MYO18A: variants seen among roughly 807,000 people sequenced by gnomAD.
MYO18A encodes the protein unconventional myosin-XVIIIa.
Under a neutral mutation model 235.8 loss-of-function variants are expected in MYO18A, and 78 were observed. The ratio of observed to expected loss-of-function variants is 0.33; its 90% CI spans 0.28 to 0.40. The LOEUF (loss-of-function observed/expected upper bound fraction) is 0.40. Ranked by LOEUF, MYO18A falls within the 10% of genes least tolerant of loss-of-function variation. The pLI is 1.00. For synonymous variants in MYO18A, 977 were observed against 1,077.8 expected (o/e 0.91, Z 1.83); for missense variants, 2,215 against 2,699.3 (o/e 0.82, Z 3.98).
chr17:29,175,032 T>C (rs1313537982), intron 1 of MYO18A, among the ~76,000 whole-genome samples: 2 of 152,216 alleles, frequency 1.3e-5, no homozygotes, highest in African/African-American at 4.8e-5. Context: ...TATTTGCATA[T>C]GTGTAGGAAA....
chr17:29,084,662 G>A (rs544946299), intron 40 of MYO18A, among the ~76,000 whole-genome samples: 22 of 152,152 alleles, frequency 1.4e-4, no homozygotes, highest in Admixed American at 9.8e-4. Context: ...AGGCTCCAGC[G>A]GCCCTCTATC....
chr17:29,073,911 G>C lies in MYO18A; in HGVS notation c.*859C>G. On this transcript the variant is annotated 3_prime_UTR_variant, in exon 42 of 42. Transcript: ENST00000527372. ...TGGTCCAGACCACCTGGACAGAGCA[G>C]GAGGGAGGCAGTGCTTGGATCAGCC... is the stretch of plus-strand genomic sequence containing the variant. The C allele has an allele frequency of 6.2e-7, 1 of 1,613,858 alleles. No homozygotes were observed. Among genetic ancestry groups the C allele is most frequent in the South Asian group, 1.1e-5 (1 of 91,084 alleles).
chr17:29,152,730 C>CT (rs924695457), intron 2 of MYO18A, among the ~76,000 whole-genome samples: 8 of 149,618 alleles, frequency 5.3e-5, no homozygotes, highest in Non-Finnish European at 7.5e-5. Context: ...TTCACTTCTT[C>CT]TTTTTTTTTT....
intron 40 of MYO18A, among the ~76,000 whole-genome samples, chr17:29,083,351 G>C (rs148059145): frequency 6.6e-6 from 1 of 152,246 alleles, no homozygotes; most frequent in African/African-American, 2.4e-5. Flanking sequence ...CTTGGAGATA[G>C]CTTCTGAGTA....
Position 29,074,115 on chromosome 17 carries a change from G to C in MYO18A, c.*655C>G. On this transcript the variant is annotated 3_prime_UTR_variant, in exon 42 of 42. Coordinates refer to ENST00000527372, the MANE Select transcript of MYO18A (RefSeq NM_078471.4). This position sits in a 1 kb window ranked among gnomAD's most constrained non-coding sequence, Gnocchi z 4.4. ...GAGCCCCTCCGCACCTCATTCTTAA[G>C]AACCTGGACCCGGCTCTCCTCACCA... The C allele has an allele frequency of 6.2e-7, 1 of 1,614,032 alleles. No individual in the cohort carries two copies. The highest frequency in any genetic ancestry group is 1.1e-5 in the South Asian group (1 of 91,064).
rs918433952 is a variant in MYO18A, at chr17:29,111,512, C to T, written c.2812G>A (p.Val938Ile). The T allele has an allele frequency of 4.3e-6, 7 of 1,613,362 alleles. No homozygotes were observed. The African/African-American group carries it at 6.7e-5, about 15-fold the overall frequency. Residue 938 changes from valine to isoleucine, a missense_variant, in exon 17 of 42, where the codon GTA (valine) becomes ATA (isoleucine). Transcript: ENST00000527372. This position sits in a 1 kb window ranked among gnomAD's most constrained non-coding sequence, Gnocchi z 5.1. ...AGCCAGCCAGTCACATTGTACTCTACCCAGTTGGTGCCATGGCTGTGGCCC... is the reference window on the plus strand; with the variant it reads ...AGCCAGCCAGTCACATTGTACTCTATCCAGTTGGTGCCATGGCTGTGGCCC... ...LLGHSHGTNWVEYNVTGWLNY... is the reference protein window; with the variant it reads ...LLGHSHGTNWIEYNVTGWLNY...
chr17:29,154,525 G>A (rs2068026258), intron 2 of MYO18A, among the ~76,000 whole-genome samples: 1 of 152,198 alleles, frequency 6.6e-6, no homozygotes, highest in Non-Finnish European at 1.5e-5. Context: ...GCTGGTCACC[G>A]ATTCCAGGAA....
Position 29,111,375 on chromosome 17 carries a change from C to A in MYO18A, c.2900+49G>T. Reference sequence around the variant, plus strand: ...CCCCAGGGGGAGGGAGCCCCAAAATCAAAACAGTCCTGGGTACAGAACAGG... The same window carrying A: ...CCCCAGGGGGAGGGAGCCCCAAAATAAAAACAGTCCTGGGTACAGAACAGG... On this transcript the variant is annotated intron_variant, in intron 17 of 41. Transcript: ENST00000527372. The surrounding 1 kb of genome is among the most constrained non-coding windows in gnomAD (Gnocchi z 5.1). 6.3e-7 allele frequency: 1 copy of A among 1,585,226 alleles called. No individual in the cohort carries two copies. The highest frequency in any genetic ancestry group is 1.1e-5 in the South Asian group (1 of 87,948).
At position 29,104,345 on chromosome 17, in the gene MYO18A, A is replaced by T. The variant is rs2066728765; in HGVS notation, c.3442-681T>A. Among the ~76,000 whole-genome samples, 3 of 152,206 alleles carry T rather than the reference A, an allele frequency of 2.0e-5. No individual in the cohort carries two copies. The East Asian group carries it at 5.8e-4, about 29-fold the overall frequency. On this transcript the variant is annotated intron_variant, in intron 20 of 41. Transcript: ENST00000527372. Reference sequence around the variant, plus strand: ...CACGCAGCAGGTGTTAAGGAGACAGAGCCTTGCTGGATACGGGGATAGGGT... The same window carrying T: ...CACGCAGCAGGTGTTAAGGAGACAGTGCCTTGCTGGATACGGGGATAGGGT...
At chr17:29,086,295 G>C (rs2066251940) in intron 39 of MYO18A, 143 bp downstream of exon 39, 1 of 923,614 alleles carries the variant, frequency 1.1e-6, no homozygotes, top group Admixed American at 2.3e-5. Flanking sequence ...GCTGTGCTGG[G>C]ATCTGGCAGT....
rs1424535889 is a variant in MYO18A at position 29,143,680 on chromosome 17, A to T, written c.1000-21427T>A. Among the ~76,000 whole-genome samples, 3 of 152,354 alleles carry T rather than the reference A, an allele frequency of 2.0e-5. No individual in the cohort carries two copies. The East Asian group carries it at 5.8e-4, about 29-fold the overall frequency. On this transcript the variant is annotated intron_variant, in intron 2 of 41. Transcript: ENST00000527372. Reference sequence around the variant, plus strand: ...ATTTAAGTCATTTTCTAAATTCTATACTATTTATAATCCTAAAAATAACCA... The same window carrying T: ...ATTTAAGTCATTTTCTAAATTCTATTCTATTTATAATCCTAAAAATAACCA...
At chr17:29,127,774 G>T (rs1016904879) in intron 2 of MYO18A, 10 of 872,050 alleles carry the variant, frequency 1.1e-5, no homozygotes, top group Non-Finnish European at 1.2e-5. Flanking sequence ...GGTCGCTTGG[G>T]GAAGCCGGCT....
intron 1 of MYO18A, among the ~76,000 whole-genome samples, chr17:29,171,456 G>A (rs1252543938): frequency 1.3e-5 from 2 of 151,822 alleles, no homozygotes; most frequent in Non-Finnish European, 2.9e-5. Flanking sequence ...AAAAAGATTT[G>A]TGCATTCATT....
intron 40 of MYO18A, among the ~76,000 whole-genome samples, chr17:29,082,827 T>C (rs1472937222): frequency 6.6e-5 from 10 of 152,238 alleles, no homozygotes; most frequent in Admixed American, 6.5e-4. Context: ...CCTACTCTGC[T>C]GTTTCTTGTC....
At chr17:29,160,931 G>A (rs2152967207) in intron 2 of MYO18A, among the ~76,000 whole-genome samples, 1 of 152,320 alleles carries the variant, frequency 6.6e-6, no homozygotes, top group Middle Eastern at 3.4e-3. Flanking sequence ...CAAAAGCTCA[G>A]GGAGAGCCAG....
chr17:29,159,655 G>C lies in MYO18A; in HGVS notation c.999+6287C>G, dbSNP rs7214252. 2.6e-5 allele frequency among the ~76,000 whole-genome samples: 4 copies of C among 151,964 alleles called. No individual in the cohort carries two copies. In the East Asian group the frequency reaches 7.7e-4, roughly 29 times the overall value. Reference sequence around the variant, plus strand: ...TAGGAAAGCCCAGTGCTCCAAACCCGGCCTGGCAGACCTGGAGGCAAGACC... The same window carrying C: ...TAGGAAAGCCCAGTGCTCCAAACCCCGCCTGGCAGACCTGGAGGCAAGACC... On this transcript the variant is annotated intron_variant, in intron 2 of 41. Coordinates refer to ENST00000527372, the MANE Select transcript of MYO18A (RefSeq NM_078471.4).
intron 1 of MYO18A, among the ~76,000 whole-genome samples, chr17:29,175,142 G>A (rs1304787108): frequency 2.6e-5 from 4 of 151,880 alleles, no homozygotes; most frequent in East Asian, 3.9e-4. Flanking sequence ...AAATAACAGA[G>A]ATGGGGTCTC....
chr17:29,123,011 C>T (rs1289477832), intron 2 of MYO18A, among the ~76,000 whole-genome samples: 2 of 152,214 alleles, frequency 1.3e-5, no homozygotes, highest in Non-Finnish European at 2.9e-5. Flanking sequence ...GCAGCCCTGC[C>T]CTGTCAAACA....
At chr17:29,154,627 G>A (rs1028205766) in intron 2 of MYO18A, among the ~76,000 whole-genome samples, 4 of 152,194 alleles carry the variant, frequency 2.6e-5, no homozygotes, top group African/African-American at 9.6e-5. Context: ...CAAGTGAGTG[G>A]GGACTCGACC....
Sources: gnomAD v4.1 joint callset for allele counts (sites outside exome capture counted in the v4.1 genomes callset) on GRCh38, gnomAD v4.1.1 for gene constraint, Gnocchi (gnomAD v3.1) non-coding constraint, MANE v1.5 for transcripts, NCBI Gene and HGNC (gene_info 2026-07-23, HGNC 2026-07-21) for gene names.